COX7A2L: variants seen among roughly 807,000 people sequenced by gnomAD.
COX7A2L encodes cytochrome c oxidase subunit 7A2 like.
Under a neutral mutation model 14.2 loss-of-function variants are expected in COX7A2L, and 18 were observed. The observed-to-expected ratio is 1.27, with a 90% CI of 0.88 to 1.88. The LOEUF is 1.88. COX7A2L is among the 40% of genes most tolerant of loss of function. The probability of loss-of-function intolerance (pLI) is 0.00; values close to 1 mark genes in which losing one functional copy is unlikely to be tolerated. For synonymous variants in COX7A2L, 65 were observed against 57.4 expected (o/e 1.13, Z -0.60); for missense variants, 179 against 138.8 (o/e 1.29, Z -1.46).
At chr2:42,346,738 C>T (rs1393909052), downstream of COX7A2L, among the ~76,000 whole-genome samples, 4 of 150,546 alleles carry the variant, frequency 2.7e-5, no homozygotes, top group African/African-American at 4.9e-5. Flanking sequence ...CCAGTCTGGG[C>T]GACGGAGTGA....
upstream of COX7A2L, chr2:42,361,943 G>C (rs546888221): frequency 4.3e-4 from 65 of 152,308 alleles, no homozygotes; most frequent in African/African-American, 1.1e-3. Flanking sequence ...TAATATAAAA[G>C]TAGCCTCCTG....
intron 1 of COX7A2L, among the ~76,000 whole-genome samples, chr2:42,368,134 G>A (rs557321989): frequency 1.9e-4 from 29 of 152,312 alleles, no homozygotes; most frequent in Middle Eastern, 6.8e-3. Context: ...AAGAACAACC[G>A]AGTGGGTGGA....
chr2:42,352,360 CGTT>C (rs1442799713), intron 2 of COX7A2L, among the ~76,000 whole-genome samples: 1 of 152,054 alleles, frequency 6.6e-6, no homozygotes, highest in Non-Finnish European at 1.5e-5. Flanking sequence ...GGCAGGGTCT[CGTT>C]ATGCTGCCCA....
intron 2 of COX7A2L, among the ~76,000 whole-genome samples, chr2:42,343,001 G>A (rs1427716332): frequency 6.6e-6 from 1 of 152,134 alleles, no homozygotes; most frequent in African/African-American, 2.4e-5. Flanking sequence ...AGAGGAGACT[G>A]CAAGTGATCG....
intron 1 of COX7A2L, among the ~76,000 whole-genome samples, chr2:42,354,056 G>A (rs955695255): frequency 6.6e-6 from 1 of 152,176 alleles, no homozygotes; most frequent in African/African-American, 2.4e-5. Flanking sequence ...GAGACAGAAG[G>A]TAGGTTAATG....
downstream of COX7A2L, among the ~76,000 whole-genome samples, chr2:42,344,887 G>A (rs1046096703): frequency 1.3e-5 from 2 of 151,722 alleles, no homozygotes; most frequent in Non-Finnish European, 2.9e-5. Flanking sequence ...GAGGGAGGGA[G>A]CTGGTTCCGG....
In COX7A2L at chr2:42,338,502, G is replaced by A. The variant is rs909774825; in HGVS notation, c.193-4633C>T. On this transcript the variant is annotated intron_variant, in intron 2 of 2. Coordinates refer to the COX7A2L transcript ENST00000468711. The surrounding 1 kb of genome is among the most constrained non-coding windows in gnomAD (Gnocchi z 4.4). ...TGATGTGGCCTGCCATGTGCTGCCC[G>A]TGAACATCTCCTCACCAGAATCATT... 3.9e-5 allele frequency among the ~76,000 whole-genome samples: 6 copies of A among 152,188 alleles called. No homozygotes were observed. The highest frequency in any genetic ancestry group is 2.1e-4 in the South Asian group (1 of 4,828).
chr2:42,337,369 TC>T (rs1331113702), intron 2 of COX7A2L, among the ~76,000 whole-genome samples: 1 of 151,960 alleles, frequency 6.6e-6, no homozygotes, highest in African/African-American at 2.4e-5. Flanking sequence ...ATCTCAAAAC[TC>T]TACAAACTGC....
chr2:42,346,493 T>C (rs1670500259), downstream of COX7A2L, among the ~76,000 whole-genome samples: 1 of 152,162 alleles, frequency 6.6e-6, no homozygotes, highest in Non-Finnish European at 1.5e-5. Context: ...CAATAAGTAC[T>C]CTGGGCCAGG....
Position 42,361,112 on chromosome 2 carries a change from G to T in COX7A2L, c.50C>A (p.Ala17Asp). 1.2e-6 allele frequency: 2 copies of T among 1,613,844 alleles called. No homozygotes were observed. Among genetic ancestry groups the T allele is most frequent in the Non-Finnish European group, 1.7e-6 (2 of 1,179,914 alleles). Residue 17 changes from alanine to aspartate, a missense_variant, in exon 1 of 3, where the codon GCT becomes GAT. By Grantham distance (126) the Ala-to-Asp change is moderately radical. Transcript: ENST00000234301. Reference sequence around the variant, plus strand: ...TACCTGCGGGCTATAGGCCTCCGAAGCCCATGCTCCTGCCAACTTCTGCGT... The same window carrying T: ...TACCTGCGGGCTATAGGCCTCCGAATCCCATGCTCCTGCCAACTTCTGCGT... ...GFTQKLAGAW[A>D]SEAYSPQGLK... is the part of the protein sequence containing the mutation.
intron 2 of COX7A2L, among the ~76,000 whole-genome samples, chr2:42,340,562 G>A (rs1217517892): frequency 6.6e-6 from 1 of 151,944 alleles, no homozygotes; most frequent in Non-Finnish European, 1.5e-5. Flanking sequence ...CGTAACGCCT[G>A]AGCCTCTTCC....
chr2:42,361,730 T>G (rs1671061407), upstream of COX7A2L: 1 of 152,654 alleles, frequency 6.6e-6, no homozygotes, highest in Admixed American at 6.5e-5. Context: ...GAACTTTAAC[T>G]GATCGTAGTC....
upstream of COX7A2L, among the ~76,000 whole-genome samples, chr2:42,362,035 C>G (rs1361457798): frequency 6.6e-6 from 1 of 152,146 alleles, no homozygotes; most frequent in Non-Finnish European, 1.5e-5. Context: ...TTTCTCAGAA[C>G]TGGTTTTTAT....
intron 1 of COX7A2L, among the ~76,000 whole-genome samples, chr2:42,358,420 A>G (rs1670901014): frequency 6.6e-6 from 1 of 152,194 alleles, no homozygotes. Context: ...ATATTATGTT[A>G]TTTAGTGCAT....
At chr2:42,348,004 T>A (rs1384841101), downstream of COX7A2L, among the ~76,000 whole-genome samples, 1 of 152,070 alleles carries the variant, frequency 6.6e-6, no homozygotes, top group African/African-American at 2.4e-5. Flanking sequence ...AAACACAAGG[T>A]CAGCATGGAA....
intron 2 of COX7A2L, among the ~76,000 whole-genome samples, chr2:42,336,557 G>T (rs1670278206): frequency 6.6e-6 from 1 of 152,060 alleles, no homozygotes; most frequent in Admixed American, 6.5e-5. Context: ...CCAAGCCCTT[G>T]TGCCTCCTAG....
At chr2:42,356,635 A>G (rs773971488) in intron 1 of COX7A2L, among the ~76,000 whole-genome samples, 3 of 152,238 alleles carry the variant, frequency 2.0e-5, no homozygotes, top group Non-Finnish European at 2.9e-5. Context: ...GTTCTTATAA[A>G]AAGTGGACAG....
chr2:42,361,339 C>T, upstream of COX7A2L: 2 of 591,354 alleles, frequency 3.4e-6, no homozygotes, highest in Admixed American at 6.7e-5. Flanking sequence ...GAACCAAAAG[C>T]CAGGGTTCTC....
chr2:42,361,210 A>G lies in COX7A2L; in HGVS notation c.-49T>C. 2.0e-6 allele frequency: 3 copies of G among 1,535,330 alleles called. No homozygotes were observed. Among genetic ancestry groups the G allele is most frequent in the Middle Eastern group, 1.7e-4 (1 of 5,918 alleles). On this transcript the variant is annotated 5_prime_UTR_variant, in exon 1 of 3. Transcript: ENST00000234301. ...CATCCGCTGCCAACGCGACCGCCCC[A>G]GAGAAGGACCCCGCCTCCCCGGCTG...
Sources: gnomAD v4.1 joint callset for allele counts (sites outside exome capture counted in the v4.1 genomes callset) on GRCh38, gnomAD v4.1.1 for gene constraint, Gnocchi (gnomAD v3.1) non-coding constraint, MANE v1.5 for transcripts, NCBI Gene and HGNC (gene_info 2026-07-23, HGNC 2026-07-21) for gene names.